The following DCAF6 variants were observed in gnomAD, a reference collection of about 807,000 sequenced individuals.
DCAF6 encodes the protein DDB1- and CUL4-associated factor 6.
A neutral mutation model predicts 125.1 loss-of-function variants in DCAF6; 54 were observed. The observed-to-expected ratio is 0.43, with a 90% CI of 0.35 to 0.54. The LOEUF is 0.54. Among genes scored for constraint, DCAF6 ranks in the 20% least tolerant of loss-of-function variants. The pLI, the probability that DCAF6 is intolerant of heterozygous loss-of-function variation, is 0.01. For missense variants in DCAF6, 934 were observed against 1,161.7 expected, an observed-to-expected ratio of 0.80 and a Z score of 2.85; for synonymous variants, 371 against 390.4, an observed-to-expected ratio of 0.95 and a Z score of 0.58.
chr1:167,943,797 A>G (rs1232086589), intron 1 of DCAF6, among the ~76,000 whole-genome samples: 1 of 152,112 alleles, frequency 6.6e-6, no homozygotes, highest in African/African-American at 2.4e-5. Context: ...AACCTAAGAT[A>G]ATGACCTCTA....
chr1:168,001,141 A>T (rs1682550465), intron 7 of DCAF6, among the ~76,000 whole-genome samples: 1 of 152,080 alleles, frequency 6.6e-6, no homozygotes, highest in Admixed American at 6.6e-5. Context: ...TCTCTAAAAA[A>T]ATTTTTAAAA....
chr1:168,023,099 A>G lies in DCAF6; in HGVS notation c.1609+52A>G, dbSNP rs1324128838. ...CCCATCCATCCATAGCTTTATTGCA[A>G]TGCATATACTAAGCTCTCTCACACC... is the stretch of plus-strand genomic sequence containing the variant. On this transcript the variant is annotated intron_variant, in intron 12 of 21. Transcript: ENST00000367840. The G allele has an allele frequency of 3.9e-6, 6 of 1,544,944 alleles. No individual in the cohort carries two copies. The African/African-American group carries it at 4.1e-5, about 10-fold the overall frequency.
chr1:167,964,287 C>T (rs1238868067), intron 2 of DCAF6, among the ~76,000 whole-genome samples: 1 of 152,072 alleles, frequency 6.6e-6, no homozygotes, highest in Non-Finnish European at 1.5e-5. Flanking sequence ...TTTATTTCTC[C>T]TTTAGTTTTG....
intron 21 of DCAF6, among the ~76,000 whole-genome samples, chr1:168,074,714 A>G (rs939477249): frequency 6.6e-6 from 1 of 152,200 alleles, no homozygotes; most frequent in African/African-American, 2.4e-5. Flanking sequence ...GAAAAGTTTC[A>G]CCAAGGGTAT....
At chr1:167,978,444 G>GT (rs1678580204) in intron 4 of DCAF6, among the ~76,000 whole-genome samples, 1 of 152,130 alleles carries the variant, frequency 6.6e-6, no homozygotes, top group Non-Finnish European at 1.5e-5. Flanking sequence ...TTGCCTCTCT[G>GT]TGCTGATACT....
the DCAF6 span, among the ~76,000 whole-genome samples, chr1:167,916,500 C>A: frequency 6.6e-6 from 1 of 152,202 alleles, no homozygotes; most frequent in Non-Finnish European, 1.5e-5. Flanking sequence ...AGCCACCGCA[C>A]CTGGCCAAGA....
In DCAF6 at chr1:167,993,390, G is replaced by A. The variant is rs529336881; in HGVS notation, c.853G>A (p.Asp285Asn). Residue 285 changes from aspartate (D) to asparagine (N), a missense_variant, in exon 7 of 22, where the codon GAT becomes AAT. Asp to Asn is a conservative substitution (Grantham distance 23, BLOSUM62 1). This residue lies in a region of DCAF6 where 309 missense variants were observed against 381.2 expected (regional missense o/e 0.81). Transcript: ENST00000367840. ...DYIYLFDPKD[D>N]TARELKTPSA... ...CATATATCTTTTTGACCCGAAAGAT[G>A]ATACAGCACGAGAACTTAAAACTCC... 1.9e-6 allele frequency: 3 copies of A among 1,613,894 alleles called. No individual in the cohort carries two copies. Among genetic ancestry groups the A allele is most frequent in the East Asian group, 2.2e-5 (1 of 44,874 alleles).
At chr1:167,885,198 A>G in the DCAF6 span, among the ~76,000 whole-genome samples, 1 of 152,186 alleles carries the variant, frequency 6.6e-6, no homozygotes, top group African/African-American at 2.4e-5. Flanking sequence ...GTTGATGGAC[A>G]CTTAAGCTGC....
chr1:168,041,503 A>C (rs1475359574), intron 13 of DCAF6, among the ~76,000 whole-genome samples: 1 of 151,984 alleles, frequency 6.6e-6, no homozygotes, highest in Non-Finnish European at 1.5e-5. Flanking sequence ...ATTTTCTATA[A>C]TTTAGTATCA....
chr1:167,921,159 G>A, the DCAF6 span, among the ~76,000 whole-genome samples: 1 of 151,934 alleles, frequency 6.6e-6, no homozygotes, highest in East Asian at 1.9e-4. Context: ...TGAGGTTTGG[G>A]CTTCTAATGA....
Position 167,966,734 on chromosome 1 carries a change from A to T in DCAF6, c.252+13A>T, listed in dbSNP as rs763917577. ...TTACAGCAGAAAGGTAAAGTAGTTT[A>T]AAAAATCTGTAATTTAATGAGAGAA... On this transcript the variant is annotated intron_variant, in intron 3 of 21. Coordinates refer to ENST00000367840, the MANE Select transcript of DCAF6 (RefSeq NM_001198956.2). 3 of 1,472,362 alleles carry T rather than the reference A, an allele frequency of 2.0e-6. No homozygotes were observed. Among genetic ancestry groups the T allele is most frequent in the Non-Finnish European group, 2.8e-6 (3 of 1,065,734 alleles). The allele number at this position is 1,472,362 out of a possible 1,614,324, so 91.2% of individuals were successfully genotyped here.
intron 7 of DCAF6, among the ~76,000 whole-genome samples, chr1:168,001,258 A>G (rs1356229255): frequency 4.6e-5 from 7 of 152,242 alleles, no homozygotes; most frequent in East Asian, 1.9e-4. Flanking sequence ...GACCACTGCA[A>G]TCCAGTCTGG....
chr1:168,053,861 C>A (rs1485120711), intron 17 of DCAF6, among the ~76,000 whole-genome samples: 1 of 152,182 alleles, frequency 6.6e-6, no homozygotes, highest in African/African-American at 2.4e-5. Flanking sequence ...AGCAATGTAA[C>A]ATGCCAAAAG....
rs566361582 is a variant in DCAF6, at chr1:168,015,879, C to A, written c.1477C>A (p.His493Asn). The A allele has an allele frequency of 1.3e-6, 2 of 1,544,806 alleles. No homozygotes were observed. Among genetic ancestry groups the A allele is most frequent in the African/African-American group, 2.7e-5 (2 of 72,878 alleles). ...GCAGAGGCAGCAAGAGCTAGCTGCA[C>A]ATACCCAGCAACAGCCTTCCACTTC... ...EQQRQQELAA[H>N]TQQQPSTSDQ... The change falls in exon 11 of 22, where the codon CAT (histidine) becomes AAT (asparagine). Residue 493 changes from histidine (H) to asparagine (N), a missense_variant. This residue lies in a region of DCAF6 where 559 missense variants were observed against 635.5 expected (regional missense o/e 0.88). Coordinates refer to ENST00000367840, the MANE Select transcript of DCAF6 (RefSeq NM_001198956.2).
chr1:168,037,667 A>G (rs769469331), intron 12 of DCAF6, among the ~76,000 whole-genome samples: 3 of 152,186 alleles, frequency 2.0e-5, no homozygotes, highest in Non-Finnish European at 4.4e-5. Flanking sequence ...ATACATTGAG[A>G]TAGATGTGTA....
the DCAF6 span, among the ~76,000 whole-genome samples, chr1:167,892,150 T>G: frequency 1.5e-4 from 23 of 152,076 alleles, no homozygotes; most frequent in Admixed American, 3.9e-4. Flanking sequence ...TTTTTGTATT[T>G]TTGTGGAGAT....
chr1:168,072,616 C>T (rs961677087), intron 21 of DCAF6, among the ~76,000 whole-genome samples: 2 of 152,088 alleles, frequency 1.3e-5, no homozygotes, highest in African/African-American at 4.8e-5. Flanking sequence ...CAGTGCCTAC[C>T]ACATAGTAGT....
At chr1:167,887,314 A>C in the DCAF6 span, among the ~76,000 whole-genome samples, 1 of 152,374 alleles carries the variant, frequency 6.6e-6, no homozygotes, top group East Asian at 1.9e-4. Context: ...CATCAGTGGT[A>C]GACTGGATTA....
the DCAF6 span, among the ~76,000 whole-genome samples, chr1:167,907,658 T>G: frequency 6.6e-6 from 1 of 152,198 alleles, no homozygotes; most frequent in Non-Finnish European, 1.5e-5. Flanking sequence ...TCAATGGTTA[T>G]TTAGATTAGC....
Sources: gnomAD v4.1 joint callset for allele counts (sites outside exome capture counted in the v4.1 genomes callset) on GRCh38, gnomAD v4.1.1 for gene constraint, gnomAD v4.1.1 regional missense constraint, MANE v1.5 for transcripts, NCBI Gene and HGNC (gene_info 2026-07-23, HGNC 2026-07-21) for gene names.